KDELR3: variants seen among roughly 807,000 people sequenced by gnomAD.
KDELR3 encodes the protein KDEL endoplasmic reticulum protein retention receptor 3.
Under a neutral mutation model 22.7 loss-of-function variants are expected in KDELR3, and 26 were observed. That is an observed-to-expected ratio of 1.15 (90% CI 0.84 to 1.59). The LOEUF (loss-of-function observed/expected upper bound fraction) is 1.59, where lower values mean the gene tolerates loss of function less well. KDELR3 is among the 40% of genes most tolerant of loss of function. The probability of loss-of-function intolerance (pLI) is 0.00; values close to 1 mark genes in which losing one functional copy is unlikely to be tolerated. For missense variants in KDELR3, 289 were observed against 251.1 expected, an observed-to-expected ratio of 1.15 and a Z score of -1.02; for synonymous variants, 120 against 98.2, an observed-to-expected ratio of 1.22 and a Z score of -1.31.
intron 4 of KDELR3, among the ~76,000 whole-genome samples, chr22:38,482,068 T>C (rs2089607247): frequency 1.3e-5 from 2 of 152,320 alleles, no homozygotes; most frequent in Admixed American, 6.5e-5. Flanking sequence ...TACATTCTGA[T>C]TGCCAAGGGC....
At chr22:38,481,750 C>A (rs2089603636) in intron 4 of KDELR3, 2 of 995,930 alleles carry the variant, frequency 2.0e-6, no homozygotes, top group Admixed American at 3.6e-5. Flanking sequence ...CCCAAGGCAA[C>A]CACCAGCTTG....
Position 38,468,129 on chromosome 22 carries a change from C to T in KDELR3, c.-105C>T. On this transcript the variant is annotated 5_prime_UTR_variant, in exon 1 of 5. Coordinates refer to ENST00000216014, the MANE Select transcript of KDELR3 (RefSeq NM_006855.4). Reference sequence around the variant, plus strand: ...GGAGCTGTGAGGCGCAGGCAGGGCTCTGGGGCACCTAGAGACCGGGGCCGG... The same window carrying T: ...GGAGCTGTGAGGCGCAGGCAGGGCTTTGGGGCACCTAGAGACCGGGGCCGG... 1.0e-6 allele frequency: 1 copy of T among 967,254 alleles called. No individual in the cohort carries two copies. The highest frequency in any genetic ancestry group is 1.6e-6 in the Non-Finnish European group (1 of 618,958). 59.9% of individuals were successfully genotyped at this position (967,254 alleles called of 1,614,324 possible).
chr22:38,471,153 A>G (rs1460159666), intron 1 of KDELR3, among the ~76,000 whole-genome samples: 1 of 152,148 alleles, frequency 6.6e-6, no homozygotes, highest in East Asian at 1.9e-4. Context: ...TCAAACAAAC[A>G]AACAAGCAAA....
intron 4 of KDELR3, 142 bp downstream of exon 4, chr22:38,481,606 T>A: frequency 1.3e-6 from 2 of 1,506,896 alleles, no homozygotes; most frequent in Admixed American, 4.5e-5. Context: ...AAGACAAATA[T>A]TTTCAATAAA....
rs2089620677 is a variant in KDELR3 at position 38,483,413 on chromosome 22, GAATT to G, written c.*880_*883del. 1.3e-5 allele frequency: 2 copies of G among 152,174 alleles called. No individual in the cohort carries two copies. The highest frequency in any genetic ancestry group is 4.8e-5 in the African/African-American group (2 of 41,412). The allele number at this position is 152,174 out of a possible 1,614,324, so 9.4% of individuals were successfully genotyped here. ...AGACGTCTACGTTGAATTATTCAGA[GAATT>G]AAGCAATAAAAGCTCACACCTTATT... On this transcript the variant is annotated 3_prime_UTR_variant, in exon 5 of 5. Transcript: ENST00000216014.
chr22:38,468,388 C>T, intron 1 of KDELR3, 64 bp downstream of exon 1: 1 of 1,438,788 alleles, frequency 7.0e-7, no homozygotes, highest in South Asian at 1.1e-5. Context: ...CCCCTGCGTG[C>T]AGGGCAGGGC....
chr22:38,478,344 G>C (rs942730824), intron 2 of KDELR3, among the ~76,000 whole-genome samples: 5 of 151,980 alleles, frequency 3.3e-5, no homozygotes, highest in Admixed American at 6.5e-5. Flanking sequence ...TGAGGAGTTC[G>C]AGACAAGCCT....
chr22:38,468,975 G>T (rs932221841), intron 1 of KDELR3, among the ~76,000 whole-genome samples: 2 of 152,250 alleles, frequency 1.3e-5, no homozygotes, highest in Admixed American at 6.5e-5. Context: ...ACGAAAGGCT[G>T]CCAGAGCCTC....
At chr22:38,481,911 G>A (rs1414107013) in intron 4 of KDELR3, among the ~76,000 whole-genome samples, 2 of 152,126 alleles carry the variant, frequency 1.3e-5, no homozygotes, top group African/African-American at 4.8e-5. Flanking sequence ...AAAATACACT[G>A]ATAGCTTATG....
Position 38,482,878 on chromosome 22 carries a change from A to C in KDELR3, c.*342A>C. ...ACTCATGATGAGCAAGTCAACCCCA[A>C]TCTGGAACAATGTCCCTCCTCTTAG... On this transcript the variant is annotated 3_prime_UTR_variant, in exon 5 of 5. Transcript: ENST00000216014. The C allele has an allele frequency of 7.5e-6, 2 of 266,454 alleles. No individual in the cohort carries two copies. Among genetic ancestry groups the C allele is most frequent in the Admixed American group, 5.1e-5 (1 of 19,706 alleles). The allele number at this position is 266,454 out of a possible 1,614,324, so 16.5% of individuals were successfully genotyped here.
At chr22:38,477,074 CTTTT>C (rs138429) in intron 2 of KDELR3, among the ~76,000 whole-genome samples, 12 of 124,510 alleles carry the variant, frequency 9.6e-5, no homozygotes, top group Admixed American at 8.3e-5. Context: ...GCCTGGCTAA[CTTTT>C]TTTTTTTTTT....
chr22:38,472,220 G>A (rs1039793340), intron 1 of KDELR3, among the ~76,000 whole-genome samples: 1 of 152,176 alleles, frequency 6.6e-6, no homozygotes, highest in African/African-American at 2.4e-5. Flanking sequence ...GCTTACGCCT[G>A]TAATCCCAGC....
At chr22:38,479,057 T>C (rs1047109176) in intron 2 of KDELR3, among the ~76,000 whole-genome samples, 1 of 152,058 alleles carries the variant, frequency 6.6e-6, no homozygotes, top group Non-Finnish European at 1.5e-5. Flanking sequence ...TAGGAGAGCT[T>C]TTCTGAAGGA....
chr22:38,478,629 ATT>A (rs55884876), intron 2 of KDELR3, among the ~76,000 whole-genome samples: 3 of 43,562 alleles, frequency 6.9e-5, no homozygotes, highest in Non-Finnish European at 1.1e-4. Flanking sequence ...AGCATCTGTG[ATT>A]TTTTTTTTTT....
intron 1 of KDELR3, among the ~76,000 whole-genome samples, chr22:38,469,775 G>A (rs752671016): frequency 7.5e-4 from 114 of 152,294 alleles, no homozygotes; most frequent in Non-Finnish European, 1.4e-3. Context: ...AATACAGCCC[G>A]GACAGCAGAG....
intron 1 of KDELR3, among the ~76,000 whole-genome samples, chr22:38,472,199 C>T (rs917473526): frequency 6.6e-5 from 10 of 151,762 alleles, no homozygotes; most frequent in South Asian, 2.1e-4. Flanking sequence ...GACTGCTGTC[C>T]GGGCACAGTG....
chr22:38,481,950 A>G (rs1331868836), intron 4 of KDELR3, among the ~76,000 whole-genome samples: 1 of 150,464 alleles, frequency 6.6e-6, no homozygotes, highest in Non-Finnish European at 1.5e-5. Context: ...GACACTTCAT[A>G]TGTTTTAAGA....
rs187093616 is a variant in KDELR3, at chr22:38,476,344, C to T, written c.192+1721C>T. Among the ~76,000 whole-genome samples, 792 of 150,396 alleles carry T rather than the reference C, an allele frequency of 5.3e-3. 5 individuals are homozygous for T. The highest frequency in any genetic ancestry group is 0.019 in the African/African-American group (757 of 40,850). ...ACGCCATTCTCCTGCCTCAGCCTCC[C>T]GAGTAGCTGGGACTACAGGCGCCTG... On this transcript the variant is annotated intron_variant, in intron 2 of 4. Transcript: ENST00000216014.
chr22:38,481,400 A>G lies in KDELR3; in HGVS notation c.540A>G (p.Ala180=). ...CTGAGAATTTCTATGACCAAATTGC[A>G]GTCGTGTCTGGAGTAGTACAAACCA... is the stretch of plus-strand genomic sequence containing the variant. ...YQTENFYDQI[A]VVSGVVQTIF... is the part of the protein sequence containing the mutation. Residue 180 remains alanine, a synonymous_variant, in exon 4 of 5, where the codon GCA becomes GCG. Transcript: ENST00000216014. The G allele has an allele frequency of 1.2e-6, 2 of 1,614,220 alleles. No individual in the cohort carries two copies. The highest frequency in any genetic ancestry group is 1.7e-5 in the Admixed American group (1 of 60,028).
Sources: allele counts gnomAD v4.1 joint callset (sites outside exome capture counted in the v4.1 genomes callset), GRCh38; gene constraint gnomAD v4.1.1; transcripts MANE v1.5; gene names NCBI Gene and HGNC (gene_info 2026-07-23, HGNC 2026-07-21).